CTDSP1: variants seen among roughly 807,000 people sequenced by gnomAD.
CTDSP1 encodes CTD small phosphatase 1.
In CTDSP1, 15 loss-of-function variants were observed where a neutral mutation model predicts 32.5. The ratio of observed to expected loss-of-function variants is 0.46; its 90% CI spans 0.31 to 0.71. The LOEUF is 0.71. Ranked by LOEUF, CTDSP1 falls within the 30% of genes least tolerant of loss-of-function variation. CTDSP1 has a pLI of 0.05. For missense variants in CTDSP1, 294 were observed against 351.1 expected (o/e 0.84, Z 1.30); for synonymous variants, 185 against 145.4 (o/e 1.27, Z -1.96).
chr2:218,404,533 C>T lies in CTDSP1; in HGVS notation c.*108C>T, dbSNP rs1382574105. The stretch of plus-strand genomic sequence containing the variant: ...AAAACCCATGGGCCGCCGCCACACT[C>T]AGTGCCATGGGGAAGCGGGCGTCTC... On this transcript the variant is annotated 3_prime_UTR_variant, in exon 7 of 7. Coordinates refer to ENST00000273062, the MANE Select transcript of CTDSP1 (RefSeq NM_021198.3). The T allele has an allele frequency of 2.1e-6, 3 of 1,417,574 alleles. No homozygotes were observed. Among genetic ancestry groups the T allele is most frequent in the Non-Finnish European group, 2.9e-6 (3 of 1,036,218 alleles). 87.8% of individuals were successfully genotyped at this position (1,417,574 alleles called of 1,614,324 possible).
Position 218,404,318 on chromosome 2 carries a change from G to A in CTDSP1, c.679G>A (p.Asp227Asn). 1 of 1,614,116 alleles carries A rather than the reference G, an allele frequency of 6.2e-7. No homozygotes were observed. Among genetic ancestry groups the A allele is most frequent in the Non-Finnish European group, 8.5e-7 (1 of 1,180,004 alleles). ...DNAVPVASWF[D>N]NMSDTELHDL... is the part of the protein sequence containing the mutation. ...CCAGGTACCGGTGGCCTCGTGGTTT[G>A]ACAACATGAGTGACACAGAGCTCCA... Residue 227 changes from aspartate (D) to asparagine (N), a missense_variant, in exon 7 of 7, where the codon GAC (aspartate) becomes AAC (asparagine). Physicochemically the swap from Asp to Asn is conservative, Grantham distance 23. Transcript: ENST00000273062.
rs1156595820 is a variant in CTDSP1, at chr2:218,405,025, C to T, written c.*600C>T. 6.5e-6 allele frequency: 1 copy of T among 153,222 alleles called. No homozygotes were observed. Among genetic ancestry groups the T allele is most frequent in the Non-Finnish European group, 1.5e-5 (1 of 68,468 alleles). 9.5% of individuals were successfully genotyped at this position (153,222 alleles called of 1,614,324 possible). A position where few individuals can be genotyped will look rare whatever the true frequency, so the allele number is the denominator to read the frequency against. ...GCAGGAGTCTGTCCTTCAGGCCCCA[C>T]AGTGCAGCTTCTCCAGGGCCGACAG... is the stretch of plus-strand genomic sequence containing the variant. On this transcript the variant is annotated 3_prime_UTR_variant, in exon 7 of 7. Coordinates refer to ENST00000273062, the MANE Select transcript of CTDSP1 (RefSeq NM_021198.3).
chr2:218,401,790 A>G (rs753239606), intron 2 of CTDSP1, 78 bp downstream of exon 2: 5 of 1,369,732 alleles, frequency 3.7e-6, no homozygotes, highest in Non-Finnish European at 4.9e-6. Flanking sequence ...CTCCTGACTG[A>G]GCTTTTCAGG....
intron 4 of CTDSP1, 50 bp from the exon 5 acceptor site, chr2:218,402,985 C>A (rs780354648): frequency 1.4e-6 from 2 of 1,414,264 alleles, no homozygotes; most frequent in Admixed American, 1.7e-5. Flanking sequence ...CCTCGGCCAC[C>A]CCCACACTGC....
chr2:218,401,555 C>T lies in CTDSP1; in HGVS notation c.68-9C>T, dbSNP rs200409368. ...CACCGAGCCTCCAACTTGTGCCTCC[C>T]TACTTCAGGTGACCAGAAGTCAGCA... On this transcript the variant is annotated splice_polypyrimidine_tract_variant and intron_variant, in intron 1 of 6. Coordinates refer to ENST00000273062, the MANE Select transcript of CTDSP1 (RefSeq NM_021198.3). The T allele has an allele frequency of 1.9e-6, 3 of 1,613,634 alleles. No individual in the cohort carries two copies. Among genetic ancestry groups the T allele is most frequent in the Admixed American group, 3.3e-5 (2 of 59,954 alleles).
At chr2:218,398,450 A>AGGGCCGAGGGATCC (rs1696932886), upstream of CTDSP1, 1 of 1,533,168 alleles carries the variant, frequency 6.5e-7, no homozygotes, top group African/African-American at 1.4e-5. Context: ...GAGCAGGAGG[A>AGGGCCGAGGGATCC]GGGCCGAGGG....
Position 218,403,226 on chromosome 2 carries a change from T to G in CTDSP1, c.472-6T>G, listed in dbSNP as rs1324353057. ...GGCCCCAGGATGACCCACCTCCTGCTCCCAGTACGCAGACCCAGTAGCTGA... is the reference window on the plus strand; with the variant it reads ...GGCCCCAGGATGACCCACCTCCTGCGCCCAGTACGCAGACCCAGTAGCTGA... On this transcript the variant is annotated splice_region_variant and splice_polypyrimidine_tract_variant and intron_variant, in intron 5 of 6. Coordinates refer to ENST00000273062, the MANE Select transcript of CTDSP1 (RefSeq NM_021198.3). 2 of 1,611,560 alleles carry G rather than the reference T, an allele frequency of 1.2e-6. No individual in the cohort carries two copies. Among genetic ancestry groups the G allele is most frequent in the Admixed American group, 3.3e-5 (2 of 59,882 alleles).
rs538403930 is a variant in CTDSP1 at position 218,401,433 on chromosome 2, C to T, written c.68-131C>T. ...GGGGCGTTTCAGAGAAAGTCAGGAG[C>T]TGCCTTCGTGTGTCTGGATGAAGGG... On this transcript the variant is annotated intron_variant, in intron 1 of 6. Coordinates refer to ENST00000273062, the MANE Select transcript of CTDSP1 (RefSeq NM_021198.3). 2.5e-5 allele frequency: 26 copies of T among 1,022,720 alleles called. 1 individual carries two copies. The South Asian group carries it at 3.1e-4, about 12-fold the overall frequency. 63.4% of individuals were successfully genotyped at this position (1,022,720 alleles called of 1,614,324 possible).
rs182644437 is a variant in CTDSP1, at chr2:218,400,523, G to T, written c.67+366G>T. 5.0e-3 allele frequency: 1,942 copies of T among 389,478 alleles called. 37 individuals carry two copies. Among genetic ancestry groups the T allele is most frequent in the African/African-American group, 0.036 (1,702 of 47,898 alleles). The allele number at this position is 389,478 out of a possible 1,614,324, so 24.1% of individuals were successfully genotyped here. ...TGAGGAGGGCGCCTATGGGCCACCC[G>T]CTGAGACTCCGCCCCACCCCCCACC... On this transcript the variant is annotated intron_variant, in intron 1 of 6. Transcript: ENST00000273062.
At chr2:218,399,713 C>G, upstream of CTDSP1, 9 of 994,534 alleles carry the variant, frequency 9.0e-6, no homozygotes, top group Non-Finnish European at 1.1e-5. Flanking sequence ...GGCGACGCCC[C>G]CTGGAGCGCG....
chr2:218,398,820 G>A (rs1224426794), upstream of CTDSP1: 1 of 173,524 alleles, frequency 5.8e-6, no homozygotes, highest in Non-Finnish European at 1.2e-5. Flanking sequence ...TCATAAACGA[G>A]GAAAAAGACC....
chr2:218,400,550 C>T lies in CTDSP1; in HGVS notation c.67+393C>T, dbSNP rs1697071455. 9 of 375,286 alleles carry T rather than the reference C, an allele frequency of 2.4e-5. No individual in the cohort carries two copies. The Admixed American group carries it at 2.9e-4, about 12-fold the overall frequency. 23.2% of individuals were successfully genotyped at this position (375,286 alleles called of 1,614,324 possible). A position where few individuals can be genotyped will look rare whatever the true frequency, so the allele number is the denominator to read the frequency against. On this transcript the variant is annotated intron_variant, in intron 1 of 6. Coordinates refer to ENST00000273062, the MANE Select transcript of CTDSP1 (RefSeq NM_021198.3). ...TGAGACTCCGCCCCACCCCCCACCC[C>T]CACCCCCCCGGGCTGCGGTCCGGTA...
chr2:218,400,685 C>T (rs1375216783), intron 1 of CTDSP1: 1 of 452,762 alleles, frequency 2.2e-6, no homozygotes, highest in Non-Finnish European at 4.4e-6. Flanking sequence ...CGTGGAGGCG[C>T]CGACCCCCTC....
chr2:218,402,649 G>A, intron 4 of CTDSP1: 1 of 766,722 alleles, frequency 1.3e-6, no homozygotes, highest in Non-Finnish European at 2.4e-6. Context: ...ACCCTGCCCG[G>A]GACCCAGTTC....
upstream of CTDSP1, chr2:218,398,185 G>A: frequency 3.6e-6 from 2 of 549,730 alleles, no homozygotes; most frequent in Non-Finnish European, 3.3e-6. Context: ...CCACCCAGGG[G>A]GCCGGACCGC....
chr2:218,400,904 C>T (rs942360846), intron 1 of CTDSP1: 4 of 456,370 alleles, frequency 8.8e-6, no homozygotes, highest in South Asian at 3.1e-5. Flanking sequence ...CCAGGTCTGC[C>T]CACCCTCGCC....
Position 218,405,125 on chromosome 2 carries a change from C to T in CTDSP1, c.*700C>T, listed in dbSNP as rs1013611618. On this transcript the variant is annotated 3_prime_UTR_variant, in exon 7 of 7. Transcript: ENST00000273062. ...TTAACCAGCCCCGGGGCTTGGCTCC[C>T]CCAGCTCTGAGCGTGGGGGCATAGG... The T allele has an allele frequency of 6.5e-6, 1 of 152,864 alleles. No individual in the cohort carries two copies. Among genetic ancestry groups the T allele is most frequent in the African/African-American group, 2.4e-5 (1 of 41,426 alleles). The allele number at this position is 152,864 out of a possible 1,614,324, so 9.5% of individuals were successfully genotyped here.
At chr2:218,397,747 A>T (rs1300909280), upstream of CTDSP1, among the ~76,000 whole-genome samples, 1 of 152,102 alleles carries the variant, frequency 6.6e-6, no homozygotes, top group Admixed American at 6.5e-5. Flanking sequence ...AGGACACTCG[A>T]AGGACCCCCC....
chr2:218,399,627 T>G (rs1166637417), upstream of CTDSP1: 24 of 722,546 alleles, frequency 3.3e-5, no homozygotes, highest in Non-Finnish European at 4.1e-5. Flanking sequence ...CTCGGCGGCC[T>G]GGAACGGTGA....
Sources: gnomAD v4.1 joint callset for allele counts (sites outside exome capture counted in the v4.1 genomes callset) on GRCh38, gnomAD v4.1.1 for gene constraint, MANE v1.5 for transcripts, NCBI Gene and HGNC (gene_info 2026-07-23, HGNC 2026-07-21) for gene names.